The following PTPRG variants were observed in gnomAD, a reference collection of about 807,000 sequenced individuals.
PTPRG encodes receptor-type tyrosine-protein phosphatase gamma.
Under a neutral mutation model 165.3 loss-of-function variants are expected in PTPRG, and 102 were observed. The observed-to-expected ratio is 0.62, with a 90% CI of 0.53 to 0.73. PTPRG has a LOEUF of 0.73. Among genes scored for constraint, PTPRG ranks in the 30% least tolerant of loss-of-function variants. The probability of loss-of-function intolerance (pLI) is 0.00; values close to 1 mark genes in which losing one functional copy is unlikely to be tolerated. For synonymous variants in PTPRG, 675 were observed against 669.5 expected (o/e 1.01, Z -0.13); for missense variants, 1,866 against 1,861.4 (o/e 1.00, Z -0.05).
At chr3:61,565,785 G>C (rs940903764) in intron 1 of PTPRG, among the ~76,000 whole-genome samples, 5 of 151,160 alleles carry the variant, frequency 3.3e-5, no homozygotes, top group Non-Finnish European at 4.4e-5. Flanking sequence ...GATTAATGTC[G>C]GGTGAATCAT....
chr3:62,222,649 G>A lies in PTPRG; in HGVS notation c.2288+3666G>A, dbSNP rs1700675917. 6.6e-6 allele frequency among the ~76,000 whole-genome samples: 1 copy of A among 152,160 alleles called. No individual in the cohort carries two copies. Among genetic ancestry groups the A allele is most frequent in the Non-Finnish European group, 1.5e-5 (1 of 68,018 alleles). On this transcript the variant is annotated intron_variant, in intron 13 of 29. Transcript: ENST00000474889. This position sits in a 1 kb window ranked among gnomAD's most constrained non-coding sequence, Gnocchi z 4.5. ...CTTGGACTGAAGCCGAACAAGGGAT[G>A]GCTTTCCAAAGGACCATCAAGACCT...
intron 16 of PTPRG, among the ~76,000 whole-genome samples, chr3:62,256,517 C>A (rs1246490595): frequency 1.3e-5 from 2 of 152,084 alleles, no homozygotes; most frequent in African/African-American, 4.8e-5. Flanking sequence ...TAGATGCTTA[C>A]TAAAAAAGGT....
At chr3:62,173,200 A>G (rs867281498) in intron 8 of PTPRG, among the ~76,000 whole-genome samples, 11 of 152,152 alleles carry the variant, frequency 7.2e-5, no homozygotes, top group Admixed American at 3.9e-4. Context: ...GTTATACTCT[A>G]CTGATTTTTG....
chr3:61,995,130 C>T (rs770621392), intron 3 of PTPRG, among the ~76,000 whole-genome samples: 18 of 130,864 alleles, frequency 1.4e-4, no homozygotes, highest in Non-Finnish European at 2.3e-4. Flanking sequence ...GCTATGTTGC[C>T]CAGGCTGGAA....
chr3:61,949,154 AC>A (rs1238179888), intron 2 of PTPRG, among the ~76,000 whole-genome samples: 1 of 152,134 alleles, frequency 6.6e-6, no homozygotes, highest in African/African-American at 2.4e-5. Context: ...GTAGAGTATG[AC>A]CTGATGGCTT....
intron 20 of PTPRG, 46 bp downstream of exon 20, chr3:62,269,215 C>A: frequency 6.6e-7 from 1 of 1,504,714 alleles, no homozygotes; most frequent in Non-Finnish European, 9.0e-7. Flanking sequence ...CCTTTTTATA[C>A]TTGTATGAAA....
chr3:61,842,359 G>T (rs1464101636), intron 2 of PTPRG, among the ~76,000 whole-genome samples: 1 of 152,030 alleles, frequency 6.6e-6, no homozygotes, highest in African/African-American at 2.4e-5. Flanking sequence ...ATGCTCTCTC[G>T]CCAGTCTGGT....
At chr3:62,094,886 A>AGATAT (rs1452386108) in intron 5 of PTPRG, among the ~76,000 whole-genome samples, 1 of 152,218 alleles carries the variant, frequency 6.6e-6, no homozygotes, top group Non-Finnish European at 1.5e-5. Flanking sequence ...AGGCACTTGC[A>AGATAT]GATATTCCCA....
chr3:61,610,254 C>T (rs975559998), intron 1 of PTPRG, among the ~76,000 whole-genome samples: 3 of 151,820 alleles, frequency 2.0e-5, no homozygotes, highest in South Asian at 2.1e-4. Context: ...TAGTGCCTGG[C>T]GCAGTCTAAG....
chr3:61,912,074 C>T (rs909181053), intron 2 of PTPRG, among the ~76,000 whole-genome samples: 8 of 151,948 alleles, frequency 5.3e-5, no homozygotes, highest in African/African-American at 1.9e-4. Context: ...GTGTAAGGAG[C>T]GAGTCCTCAG....
intron 1 of PTPRG, among the ~76,000 whole-genome samples, chr3:61,714,775 A>C (rs565862709): frequency 6.6e-6 from 1 of 152,298 alleles, no homozygotes; most frequent in Admixed American, 6.5e-5. Context: ...GAAATGTCCC[A>C]CCATCCCAGA....
chr3:61,889,395 C>T (rs2038144378), intron 2 of PTPRG, among the ~76,000 whole-genome samples: 1 of 152,148 alleles, frequency 6.6e-6, no homozygotes, highest in Non-Finnish European at 1.5e-5. Context: ...CCAGATTTGG[C>T]GAGTGTGCTC....
chr3:61,615,492 C>T (rs1472401592), intron 1 of PTPRG, among the ~76,000 whole-genome samples: 2 of 152,188 alleles, frequency 1.3e-5, no homozygotes, highest in East Asian at 3.8e-4. Context: ...TGATTTGTCC[C>T]ATTGCTGGTG....
intron 2 of PTPRG, among the ~76,000 whole-genome samples, chr3:61,818,812 A>G (rs1427153853): frequency 1.3e-5 from 2 of 150,270 alleles, no homozygotes; most frequent in East Asian, 4.0e-4. Context: ...TCATTGAAAT[A>G]GGGGCCCTTT....
rs550364339 is a variant in PTPRG at position 61,728,161 on chromosome 3, T to C, written c.86-20717T>C. Among the ~76,000 whole-genome samples, 8 of 152,334 alleles carry C rather than the reference T, an allele frequency of 5.3e-5. No homozygotes were observed. In the East Asian group the frequency reaches 1.5e-3, roughly 29 times the overall value. ...GAGATGAGTGAATTACAGAGTCCCA[T>C]ATGATTTACTTTCTTCACTGTCTTG... is the stretch of plus-strand genomic sequence containing the variant. On this transcript the variant is annotated intron_variant, in intron 1 of 29. Coordinates refer to ENST00000474889, the MANE Select transcript of PTPRG (RefSeq NM_002841.4).
chr3:61,694,475 A>G (rs1280877994), intron 1 of PTPRG, among the ~76,000 whole-genome samples: 2 of 152,184 alleles, frequency 1.3e-5, no homozygotes, highest in Non-Finnish European at 2.9e-5. Context: ...GTCAGTACGA[A>G]CATGCATCTG....
At chr3:62,127,438 GT>G (rs1001452822) in intron 5 of PTPRG, among the ~76,000 whole-genome samples, 1 of 152,202 alleles carries the variant, frequency 6.6e-6, no homozygotes, top group Non-Finnish European at 1.5e-5. Flanking sequence ...TGAATACACA[GT>G]TACCTGCTAA....
intron 4 of PTPRG, among the ~76,000 whole-genome samples, chr3:62,048,128 A>G (rs1301970633): frequency 6.6e-6 from 1 of 152,170 alleles, no homozygotes; most frequent in African/African-American, 2.4e-5. Flanking sequence ...TAACATAATA[A>G]TGCTGTTTTA....
At chr3:61,680,135 G>A (rs1013097599) in intron 1 of PTPRG, among the ~76,000 whole-genome samples, 1 of 152,142 alleles carries the variant, frequency 6.6e-6, no homozygotes, top group Non-Finnish European at 1.5e-5. Flanking sequence ...ATTGAAGCCA[G>A]ACCCAAAACG....
Sources: gnomAD v4.1 joint callset for allele counts (sites outside exome capture counted in the v4.1 genomes callset) on GRCh38, gnomAD v4.1.1 for gene constraint, Gnocchi (gnomAD v3.1) non-coding constraint, MANE v1.5 for transcripts, NCBI Gene and HGNC (gene_info 2026-07-23, HGNC 2026-07-21) for gene names.